The following PLCB4 variants were observed in gnomAD, a reference collection of about 807,000 sequenced individuals.
PLCB4 encodes 1-phosphatidylinositol 4,5-bisphosphate phosphodiesterase beta-4.
PLCB4 carries 77 observed loss-of-function variants against 178.8 expected under a neutral mutation model. That is an observed-to-expected ratio of 0.43 (90% CI 0.36 to 0.52). The LOEUF is 0.52. Ranked by LOEUF, PLCB4 falls within the 20% of genes least tolerant of loss-of-function variation. PLCB4 has a pLI of 0.00. For synonymous variants in PLCB4, 496 were observed against 490.8 expected (o/e 1.01, Z -0.14); for missense variants, 1,024 against 1,453.4 (o/e 0.70, Z 4.80).
At chr20:9,089,599 A>C (rs2090586874) in intron 1 of PLCB4, among the ~76,000 whole-genome samples, 1 of 152,134 alleles carries the variant, frequency 6.6e-6, no homozygotes, top group Non-Finnish European at 1.5e-5. Context: ...TAAAACTAAT[A>C]ATTCCTTTCA....
chr20:9,455,703 C>T (rs1467339030), intron 33 of PLCB4, among the ~76,000 whole-genome samples: 4 of 152,174 alleles, frequency 2.6e-5, no homozygotes, highest in Non-Finnish European at 5.9e-5. Context: ...GCAGGCTCTT[C>T]ACACAGAGCA....
At chr20:9,133,385 A>T (rs553534843) in intron 2 of PLCB4, among the ~76,000 whole-genome samples, 1 of 152,186 alleles carries the variant, frequency 6.6e-6, no homozygotes, top group East Asian at 1.9e-4. Flanking sequence ...CTTTTGCCTC[A>T]GCCTCCCGAG....
At chr20:9,167,074 C>T (rs913615635) in intron 2 of PLCB4, among the ~76,000 whole-genome samples, 2 of 151,750 alleles carry the variant, frequency 1.3e-5, no homozygotes, top group African/African-American at 4.8e-5. Context: ...AACTGTAACT[C>T]GAATAGAGTT....
At chr20:9,383,810 G>T (rs562874019) in intron 13 of PLCB4, among the ~76,000 whole-genome samples, 1 of 152,272 alleles carries the variant, frequency 6.6e-6, no homozygotes, top group South Asian at 2.1e-4. Context: ...TTGGAAGTCA[G>T]ATAGGTCCAG....
intron 2 of PLCB4, among the ~76,000 whole-genome samples, chr20:9,103,404 T>C (rs1398306094): frequency 6.6e-6 from 1 of 152,210 alleles, no homozygotes; most frequent in East Asian, 1.9e-4. Context: ...ACTGTATTTT[T>C]CCAAACAATA....
intron 28 of PLCB4, among the ~76,000 whole-genome samples, chr20:9,424,423 G>A (rs2148584895): frequency 6.6e-6 from 1 of 152,274 alleles, no homozygotes; most frequent in African/African-American, 2.4e-5. Context: ...ATGCTTTAAG[G>A]TAATCAATGG....
intron 2 of PLCB4, among the ~76,000 whole-genome samples, chr20:9,143,935 G>T (rs1292508830): frequency 6.6e-6 from 1 of 152,072 alleles, no homozygotes; most frequent in Admixed American, 6.6e-5. Flanking sequence ...TTTTATAAAT[G>T]AGAAGAATAA....
At chr20:9,116,494 A>G (rs1479894147) in intron 2 of PLCB4, among the ~76,000 whole-genome samples, 1 of 152,170 alleles carries the variant, frequency 6.6e-6, no homozygotes, top group East Asian at 1.9e-4. Context: ...ACCTATCCTT[A>G]TATCAGTATC....
chr20:9,116,139 G>A lies in PLCB4; in HGVS notation c.-79+19797G>A, dbSNP rs1343580628. 2.0e-5 allele frequency among the ~76,000 whole-genome samples: 3 copies of A among 151,808 alleles called. No individual in the cohort carries two copies. In the East Asian group the frequency reaches 5.8e-4, roughly 29 times the overall value. On this transcript the variant is annotated intron_variant, in intron 2 of 39. Transcript: ENST00000378473. ...AGCATTTCTGATATTGTATCCGTGT[G>A]TGTGTGCGCGTGTGTGTGTGTGTGT...
intron 2 of PLCB4, among the ~76,000 whole-genome samples, chr20:9,162,906 T>G (rs1428516886): frequency 6.6e-6 from 1 of 152,152 alleles, no homozygotes; most frequent in East Asian, 1.9e-4. Flanking sequence ...TTTCCGGGGG[T>G]ATGCTGGTAT....
In PLCB4 at chr20:9,137,023, A is replaced by G. The variant is rs545559407; in HGVS notation, c.-79+40681A>G. Among the ~76,000 whole-genome samples the G allele has an allele frequency of 5.4e-4, 82 of 152,162 alleles. 1 individual carries two copies. Among genetic ancestry groups the G allele is most frequent in the African/African-American group, 1.9e-3 (78 of 41,544 alleles). On this transcript the variant is annotated intron_variant, in intron 2 of 39. Coordinates refer to ENST00000378473, the MANE Select transcript of PLCB4 (RefSeq NM_001377142.1). The stretch of plus-strand genomic sequence containing the variant: ...AGAGACTCCCGGGTCTCTTCTTGCC[A>G]ACATGCTGTTGGTTGACTCTGTCCC...
chr20:9,440,026 G>A (rs1217716212), intron 30 of PLCB4, among the ~76,000 whole-genome samples: 1 of 152,228 alleles, frequency 6.6e-6, no homozygotes, highest in Non-Finnish European at 1.5e-5. Flanking sequence ...CAGCTAAAGT[G>A]TCATTGGCTG....
At chr20:9,136,814 C>A (rs182434134) in intron 2 of PLCB4, among the ~76,000 whole-genome samples, 1 of 152,230 alleles carries the variant, frequency 6.6e-6, no homozygotes, top group African/African-American at 2.4e-5. Flanking sequence ...CTGATACCAT[C>A]AGTGTTGGAT....
At chr20:9,086,804 T>C (rs7266996) in intron 1 of PLCB4, among the ~76,000 whole-genome samples, 17,678 of 152,290 alleles carry the variant, frequency 0.12, 1,178 homozygotes, top group Middle Eastern at 0.19. Flanking sequence ...AAGTGACTTA[T>C]AGCTGGCCAT....
intron 2 of PLCB4, among the ~76,000 whole-genome samples, chr20:9,201,681 G>C (rs1230078113): frequency 6.6e-6 from 1 of 152,076 alleles, no homozygotes; most frequent in Non-Finnish European, 1.5e-5. Context: ...ATCACAATGA[G>C]ATATTATCAC....
At position 9,419,844 on chromosome 20, in the gene PLCB4, C is replaced by T. The variant is rs557009311; in HGVS notation, c.2089C>T (p.Arg697Ter). Residue 697 changes from arginine (R) to a stop codon, truncating the protein, a stop_gained, in exon 26 of 40, where the codon CGA becomes TGA. Transcript: ENST00000378473. LOFTEE classifies it high-confidence loss of function. ...LKPDFMRRPD[R>*]TFDPFSETPV... ...ACCAGATTTCATGAGGCGGCCTGAT[C>T]GAACATTTGACCCCTTCTCTGAAAC... 2.5e-6 allele frequency: 4 copies of T among 1,613,984 alleles called. No individual in the cohort carries two copies. Among genetic ancestry groups the T allele is most frequent in the Admixed American group, 1.7e-5 (1 of 60,016 alleles).
At chr20:9,382,807 G>A (rs1429875905) in intron 13 of PLCB4, among the ~76,000 whole-genome samples, 1 of 152,188 alleles carries the variant, frequency 6.6e-6, no homozygotes, top group Non-Finnish European at 1.5e-5. Flanking sequence ...CTCATAATAT[G>A]AGAGTTTCAT....
intron 2 of PLCB4, among the ~76,000 whole-genome samples, chr20:9,163,210 A>G (rs1245166169): frequency 6.6e-6 from 1 of 152,216 alleles, no homozygotes; most frequent in Non-Finnish European, 1.5e-5. Flanking sequence ...TTTCTGTTAA[A>G]GGAACTTGAG....
chr20:9,221,275 A>T (rs2093795449), intron 3 of PLCB4, among the ~76,000 whole-genome samples: 1 of 152,016 alleles, frequency 6.6e-6, no homozygotes, highest in South Asian at 2.1e-4. Flanking sequence ...GGGCTTTTCC[A>T]CTCCTGCATC....
Sources: allele counts gnomAD v4.1 joint callset (sites outside exome capture counted in the v4.1 genomes callset), GRCh38; gene constraint gnomAD v4.1.1; transcripts MANE v1.5; gene names NCBI Gene and HGNC (gene_info 2026-07-23, HGNC 2026-07-21).